Variants in DCC observed in about 807,000 individuals in gnomAD.
DCC encodes netrin receptor DCC.
Under a neutral mutation model 172.5 loss-of-function variants are expected in DCC, and 58 were observed. The ratio of observed to expected loss-of-function variants is 0.34; its 90% CI spans 0.27 to 0.42. The LOEUF (loss-of-function observed/expected upper bound fraction) is 0.42. Ranked by LOEUF, DCC falls within the 10% of genes least tolerant of loss-of-function variation. DCC has a pLI of 1.00. For synonymous variants in DCC, 709 were observed against 644.5 expected (o/e 1.10, Z -1.52); for missense variants, 1,740 against 1,791.0 (o/e 0.97, Z 0.51).
At chr18:52,494,463 T>G (rs1316923959) in intron 1 of DCC, among the ~76,000 whole-genome samples, 1 of 152,128 alleles carries the variant, frequency 6.6e-6, no homozygotes, top group Non-Finnish European at 1.5e-5. Context: ...TCCAATTACC[T>G]GTATATTAGA....
intron 7 of DCC, among the ~76,000 whole-genome samples, chr18:53,110,491 G>C (rs1364513903): frequency 6.6e-6 from 1 of 151,494 alleles, no homozygotes; most frequent in Admixed American, 6.6e-5. Flanking sequence ...AAGTTTAAGA[G>C]TAAGATCTAA....
In DCC at chr18:53,508,602, T is replaced by C. The variant is rs1411346501; in HGVS notation, c.4111+9092T>C. 2.0e-5 allele frequency among the ~76,000 whole-genome samples: 3 copies of C among 152,198 alleles called. No individual in the cohort carries two copies. The East Asian group carries it at 5.8e-4, about 29-fold the overall frequency. The stretch of plus-strand genomic sequence containing the variant: ...AATATAGTTATTTGTTTATTTTCTT[T>C]TTGGCTACGCTCTGAGTGGTACCTC... On this transcript the variant is annotated intron_variant, in intron 27 of 28. Transcript: ENST00000442544.
intron 7 of DCC, among the ~76,000 whole-genome samples, chr18:53,114,847 G>A (rs1403433308): frequency 6.6e-6 from 1 of 151,530 alleles, no homozygotes; most frequent in Non-Finnish European, 1.5e-5. Context: ...TTTATTTGGG[G>A]ACAAATGGAA....
chr18:53,088,677 TAAAG>T (rs1345181613), intron 7 of DCC, among the ~76,000 whole-genome samples: 4 of 151,946 alleles, frequency 2.6e-5, no homozygotes, highest in Admixed American at 2.6e-4. Context: ...GCAAGACTAA[TAAAG>T]AAAAAAAGAG....
At chr18:52,555,473 A>AT (rs961741886) in intron 1 of DCC, among the ~76,000 whole-genome samples, 3 of 152,190 alleles carry the variant, frequency 2.0e-5, no homozygotes, top group Non-Finnish European at 4.4e-5. Context: ...AGCAATGTAC[A>AT]TTTTTTTCTT....
intron 1 of DCC, among the ~76,000 whole-genome samples, chr18:52,546,572 C>CG (rs1428624366): frequency 6.6e-6 from 1 of 151,918 alleles, no homozygotes; most frequent in Non-Finnish European, 1.5e-5. Context: ...CTGGATAGAG[C>CG]GTGGGAGGCA....
At chr18:52,838,198 T>C (rs1183637388) in intron 2 of DCC, among the ~76,000 whole-genome samples, 1 of 152,204 alleles carries the variant, frequency 6.6e-6, no homozygotes, top group African/African-American at 2.4e-5. Flanking sequence ...TTTGTCCTTA[T>C]TTTTAAACTT....
chr18:53,391,943 A>G (rs1908576865), intron 17 of DCC, 56 bp downstream of exon 17: 2 of 1,000,560 alleles, frequency 2.0e-6, no homozygotes, highest in Non-Finnish European at 3.2e-6. Context: ...TGTTTAACAC[A>G]TTGTTTTAAA....
At chr18:53,474,563 A>G (rs1410288147) in intron 25 of DCC, among the ~76,000 whole-genome samples, 1 of 152,172 alleles carries the variant, frequency 6.6e-6, no homozygotes, top group African/African-American at 2.4e-5. Context: ...ATGGTTTTAA[A>G]AATGGGAGTC....
At chr18:52,437,901 G>A (rs1987847983) in intron 1 of DCC, among the ~76,000 whole-genome samples, 1 of 152,136 alleles carries the variant, frequency 6.6e-6, no homozygotes, top group Non-Finnish European at 1.5e-5. Flanking sequence ...CAGCTTAAGA[G>A]GTTATCTATT....
chr18:53,401,543 G>A (rs1477452695), intron 18 of DCC, among the ~76,000 whole-genome samples: 1 of 152,068 alleles, frequency 6.6e-6, no homozygotes, highest in Admixed American at 6.5e-5. Context: ...TGTTAATAAT[G>A]TCCAGATTCT....
intron 15 of DCC, among the ~76,000 whole-genome samples, chr18:53,363,593 C>T (rs1421275776): frequency 6.6e-6 from 1 of 152,146 alleles, no homozygotes; most frequent in African/African-American, 2.4e-5. Flanking sequence ...TAGACATTTA[C>T]ACACACATAT....
At chr18:53,219,083 C>G (rs1485910319) in intron 12 of DCC, among the ~76,000 whole-genome samples, 1 of 152,116 alleles carries the variant, frequency 6.6e-6, no homozygotes, top group African/African-American at 2.4e-5. Context: ...AACACTTACT[C>G]TGTACCTGTT....
At chr18:52,418,261 T>G (rs1409345935) in intron 1 of DCC, among the ~76,000 whole-genome samples, 1 of 152,184 alleles carries the variant, frequency 6.6e-6, no homozygotes, top group Non-Finnish European at 1.5e-5. Context: ...AAAATACCCC[T>G]GGTGTATCTT....
chr18:53,218,925 G>A (rs971315523), intron 12 of DCC, among the ~76,000 whole-genome samples: 2 of 152,006 alleles, frequency 1.3e-5, no homozygotes, highest in Admixed American at 6.6e-5. Flanking sequence ...GCTAATGTTG[G>A]GGCACAAATA....
chr18:52,523,131 G>GC (rs887526780), intron 1 of DCC, among the ~76,000 whole-genome samples: 12 of 152,152 alleles, frequency 7.9e-5, no homozygotes, highest in African/African-American at 1.4e-4. Flanking sequence ...ATCTGCCATT[G>GC]TTTTTTAGGT....
chr18:52,896,975 G>C (rs1253369426), intron 2 of DCC, among the ~76,000 whole-genome samples: 1 of 152,154 alleles, frequency 6.6e-6, no homozygotes, highest in Non-Finnish European at 1.5e-5. Flanking sequence ...ACCACCAGGG[G>C]TCCTGAGGAT....
chr18:53,092,523 A>G (rs1360500835), intron 7 of DCC, among the ~76,000 whole-genome samples: 1 of 152,202 alleles, frequency 6.6e-6, no homozygotes, highest in Admixed American at 6.5e-5. Flanking sequence ...ACTTTATTGC[A>G]ACAATCCATT....
chr18:52,400,108 C>A (rs147366941), intron 1 of DCC, among the ~76,000 whole-genome samples: 1 of 152,068 alleles, frequency 6.6e-6, no homozygotes, highest in African/African-American at 2.4e-5. Flanking sequence ...AATAGCAATT[C>A]ATAGCTCAAC....
Sources: gnomAD v4.1 joint callset for allele counts (sites outside exome capture counted in the v4.1 genomes callset) on GRCh38, gnomAD v4.1.1 for gene constraint, MANE v1.5 for transcripts, NCBI Gene and HGNC (gene_info 2026-07-23, HGNC 2026-07-21) for gene names.